FABP5: variants seen among roughly 807,000 people sequenced by gnomAD.
The protein encoded by FABP5 is fatty acid-binding protein 5.
FABP5 carries 7 observed loss-of-function variants against 16.9 expected under a neutral mutation model. The observed-to-expected ratio is 0.41, with a 90% CI of 0.24 to 0.78. The LOEUF is 0.78. Among genes scored for constraint, FABP5 ranks in the 30% least tolerant of loss-of-function variants. The pLI is 0.30. For synonymous variants in FABP5, 37 were observed against 52.8 expected (o/e 0.70, Z 1.30); for missense variants, 119 against 159.5 (o/e 0.75, Z 1.37).
intron 1 of FABP5, 60 bp downstream of exon 1, chr8:81,280,734 A>C: frequency 6.8e-7 from 1 of 1,466,558 alleles, no homozygotes; most frequent in South Asian, 1.2e-5. Flanking sequence ...GTCTGTCCCT[A>C]GGTCCCCGTC....
At chr8:81,284,440 C>G in intron 3 of FABP5, 74 bp from the exon 4 acceptor site, 2 of 982,124 alleles carry the variant, frequency 2.0e-6, no homozygotes, top group South Asian at 1.4e-5. Flanking sequence ...GACTTTGATT[C>G]TAATGTTTTA....
chr8:81,284,066 A>G (rs1307489828), intron 3 of FABP5, 92 bp downstream of exon 3: 1 of 981,532 alleles, frequency 1.0e-6, no homozygotes, highest in East Asian at 2.6e-5. Context: ...AACAGAACTC[A>G]GTTTGGAAGA....
chr8:81,283,659 C>A, intron 2 of FABP5, 121 bp downstream of exon 2: 1 of 1,176,720 alleles, frequency 8.5e-7, no homozygotes, highest in Non-Finnish European at 1.2e-6. Context: ...TGAATTTTGT[C>A]AAATTAGCAA....
chr8:81,282,714 T>C (rs73694528), intron 1 of FABP5, among the ~76,000 whole-genome samples: 15 of 152,290 alleles, frequency 9.8e-5, no homozygotes, highest in African/African-American at 3.6e-4. Context: ...GGATTTTTTT[T>C]CCCATTTGTT....
chr8:81,284,029 C>A, intron 3 of FABP5, 55 bp downstream of exon 3: 2 of 1,285,378 alleles, frequency 1.6e-6, no homozygotes, highest in Non-Finnish European at 2.2e-6. Flanking sequence ...TCATAGTTCA[C>A]ATAACTGTTC....
intron 3 of FABP5, chr8:81,284,212 A>G: frequency 1.8e-6 from 1 of 543,652 alleles, no homozygotes. Flanking sequence ...GCCACGTCAC[A>G]GTGAAATCTT....
chr8:81,283,438 A>G lies in FABP5; in HGVS notation c.152A>G (p.Asn51Ser). Residue 51 changes from asparagine (N) to serine (S), a missense_variant, in exon 2 of 4, where the codon AAC becomes AGC. Coordinates refer to ENST00000297258, the MANE Select transcript of FABP5 (RefSeq NM_001444.3). ...TGTATCATCACTTGTGATGGTAAAA[A>G]CCTCACCATAAAAACTGAGAGCACT... is the stretch of plus-strand genomic sequence containing the variant. ...PDCIITCDGK[N>S]LTIKTESTLK... is the part of the protein sequence containing the mutation. The G allele has an allele frequency of 2.5e-5, 41 of 1,611,986 alleles. No individual in the cohort carries two copies. The highest frequency in any genetic ancestry group is 3.2e-5 in the Non-Finnish European group (38 of 1,178,710).
chr8:81,284,031 T>G (rs1220733032), intron 3 of FABP5, 57 bp downstream of exon 3: 28 of 1,266,890 alleles, frequency 2.2e-5, no homozygotes, highest in African/African-American at 8.9e-5. Context: ...ATAGTTCACA[T>G]AACTGTTCTA....
Position 81,281,582 on chromosome 8 carries a change from C to T in FABP5, c.79+908C>T, listed in dbSNP as rs1020606932. 1.2e-5 allele frequency: 12 copies of T among 985,484 alleles called. No homozygotes were observed. Among genetic ancestry groups the T allele is most frequent in the Non-Finnish European group, 1.4e-5 (12 of 830,084 alleles). The allele number at this position is 985,484 out of a possible 1,614,324, so 61.0% of individuals were successfully genotyped here. A position where few individuals can be genotyped will look rare whatever the true frequency, so the allele number is the denominator to read the frequency against. Reference sequence around the variant, plus strand: ...AAAACCGTAACAGAAACTGCCTGGCCCTCCTGCGGCTAACTGCATGCAAGA... The same window carrying T: ...AAAACCGTAACAGAAACTGCCTGGCTCTCCTGCGGCTAACTGCATGCAAGA... On this transcript the variant is annotated intron_variant, in intron 1 of 3. Transcript: ENST00000297258. The surrounding 1 kb of genome is among the most constrained non-coding windows in gnomAD (Gnocchi z 4.5).
rs953016952 is a variant in FABP5, at chr8:81,284,625, A to G, written c.*58A>G. On this transcript the variant is annotated 3_prime_UTR_variant, in exon 4 of 4. Transcript: ENST00000297258. Reference sequence around the variant, plus strand: ...TAAGAGAATGACCAAGCTCAGTTCAATGAGCAAATCTCCATACTGTTTCTT... The same window carrying G: ...TAAGAGAATGACCAAGCTCAGTTCAGTGAGCAAATCTCCATACTGTTTCTT... 6.4e-6 allele frequency: 6 copies of G among 934,318 alleles called. No homozygotes were observed. Among genetic ancestry groups the G allele is most frequent in the Non-Finnish European group, 1.0e-5 (6 of 584,422 alleles). 57.9% of individuals were successfully genotyped at this position (934,318 alleles called of 1,614,324 possible).
chr8:81,280,725 TCTGTCCCTA>T, intron 1 of FABP5, 51 bp downstream of exon 1: 4 of 1,506,892 alleles, frequency 2.7e-6, no homozygotes, highest in Non-Finnish European at 3.6e-6. Flanking sequence ...TGTGCGGTCG[TCTGTCCCTA>T]GGTCCCCGTC....
chr8:81,283,589 G>C (rs1807868633), intron 2 of FABP5, 51 bp downstream of exon 2: 1 of 1,511,596 alleles, frequency 6.6e-7, no homozygotes, highest in South Asian at 1.3e-5. Context: ...ATGATAGGCT[G>C]TATCAATAAC....
intron 1 of FABP5, among the ~76,000 whole-genome samples, chr8:81,282,319 G>A (rs1207442586): frequency 6.6e-6 from 1 of 152,140 alleles, no homozygotes; most frequent in African/African-American, 2.4e-5. Context: ...CAGTTCATTA[G>A]GGAGCAGTCA....
chr8:81,281,214 C>T lies in FABP5; in HGVS notation c.79+540C>T. 4.5e-6 allele frequency: 2 copies of T among 443,832 alleles called. No homozygotes were observed. The highest frequency in any genetic ancestry group is 6.0e-6 in the Non-Finnish European group (2 of 334,492). The allele number at this position is 443,832 out of a possible 1,614,324, so 27.5% of individuals were successfully genotyped here. A position where few individuals can be genotyped will look rare whatever the true frequency, so the allele number is the denominator to read the frequency against. The stretch of plus-strand genomic sequence containing the variant: ...TCACCCTCCGTTTTCTTCATGGGGA[C>T]GCGGTGCTGGCGCGCAGTTTCCCGC... On this transcript the variant is annotated intron_variant, in intron 1 of 3. Transcript: ENST00000297258. This position sits in a 1 kb window ranked among gnomAD's most constrained non-coding sequence, Gnocchi z 4.5.
intron 3 of FABP5, chr8:81,284,268 G>A: frequency 1.9e-6 from 1 of 523,608 alleles, no homozygotes; most frequent in Non-Finnish European, 3.4e-6. Flanking sequence ...TTTAAAATAA[G>A]GAATATTTGC....
At chr8:81,283,828 TTGTAA>T (rs1395603291) in intron 2 of FABP5, 40 bp from the exon 3 acceptor site, 6 of 1,502,038 alleles carry the variant, frequency 4.0e-6, no homozygotes, top group Middle Eastern at 2.3e-4. Flanking sequence ...ATGGAAACTC[TTGTAA>T]TGTACTTGGA....
intron 3 of FABP5, 93 bp downstream of exon 3, chr8:81,284,067 G>A: frequency 1.0e-6 from 1 of 975,586 alleles, no homozygotes; most frequent in Non-Finnish European, 1.5e-6. Context: ...ACAGAACTCA[G>A]TTTGGAAGAA....
chr8:81,280,770 A>T (rs1293426822), intron 1 of FABP5, 96 bp downstream of exon 1: 1 of 1,191,578 alleles, frequency 8.4e-7, no homozygotes, highest in African/African-American at 1.5e-5. Context: ...GGGGCAGGAG[A>T]TGCTCGGCGG....
At chr8:81,280,774 T>C (rs1807814324) in intron 1 of FABP5, 100 bp downstream of exon 1, 2 of 1,137,414 alleles carry the variant, frequency 1.8e-6, no homozygotes, top group South Asian at 2.8e-5. Flanking sequence ...CAGGAGATGC[T>C]CGGCGGCCTA....
Sources: gnomAD v4.1 joint callset for allele counts (sites outside exome capture counted in the v4.1 genomes callset) on GRCh38, gnomAD v4.1.1 for gene constraint, Gnocchi (gnomAD v3.1) non-coding constraint, MANE v1.5 for transcripts, NCBI Gene and HGNC (gene_info 2026-07-23, HGNC 2026-07-21) for gene names.